Variants in IHO1 observed in about 807,000 individuals in gnomAD.
IHO1 encodes interactor of HORMAD1 protein 1.
Under a neutral mutation model 31.0 loss-of-function variants are expected in IHO1, and 13 were observed. The observed-to-expected ratio is 0.42, with a 90% CI of 0.27 to 0.67. The LOEUF (loss-of-function observed/expected upper bound fraction) is 0.67. Among genes scored for constraint, IHO1 ranks in the 30% least tolerant of loss-of-function variants. The pLI is 0.24. For synonymous variants in IHO1, 221 were observed against 248.4 expected (o/e 0.89, Z 1.04); for missense variants, 599 against 687.5 (o/e 0.87, Z 1.44).
At chr3:49,205,557 G>A (rs1306953087) in intron 1 of IHO1, among the ~76,000 whole-genome samples, 1 of 151,348 alleles carries the variant, frequency 6.6e-6, no homozygotes, top group Non-Finnish European at 1.5e-5. Flanking sequence ...CTGACCTCGA[G>A]TGCTGCGATT....
the IHO1 span, among the ~76,000 whole-genome samples, chr3:49,192,051 T>C: frequency 1.3e-5 from 2 of 152,224 alleles, no homozygotes; most frequent in South Asian, 2.1e-4. Flanking sequence ...TAGAGTCTAA[T>C]GGATTCGCAG....
chr3:49,235,130 G>A (rs1000355289), intron 2 of IHO1, among the ~76,000 whole-genome samples: 1 of 151,994 alleles, frequency 6.6e-6, no homozygotes, highest in Admixed American at 6.5e-5. Context: ...TTACAGGCGT[G>A]AGCCACCGTG....
intron 2 of IHO1, among the ~76,000 whole-genome samples, chr3:49,219,138 A>C (rs2107696383): frequency 6.6e-6 from 1 of 152,266 alleles, no homozygotes; most frequent in African/African-American, 2.4e-5. Flanking sequence ...GTGAAACCCC[A>C]TTGTTGGGAA....
At chr3:49,202,181 T>TATTAGAATGATGTAGTGTTAC (rs1183303833) in intron 1 of IHO1, among the ~76,000 whole-genome samples, 2 of 152,108 alleles carry the variant, frequency 1.3e-5, no homozygotes, top group African/African-American at 4.8e-5. Flanking sequence ...GTTAATAGTG[T>TATTAGAATGATGTAGTGTTAC]ATTAGAATGA....
intron 1 of IHO1, among the ~76,000 whole-genome samples, chr3:49,210,060 G>A (rs868079527): frequency 4.1e-5 from 6 of 147,292 alleles, no homozygotes; most frequent in African/African-American, 1.3e-4. Context: ...ACAGGGTCTT[G>A]CTTTGTTGCC....
Position 49,257,213 on chromosome 3 carries a change from A to G in IHO1, c.1716A>G (p.Leu572=). 6.2e-7 allele frequency: 1 copy of G among 1,614,186 alleles called. No homozygotes were observed. Among genetic ancestry groups the G allele is most frequent in the Middle Eastern group, 1.6e-4 (1 of 6,062 alleles). ...DLNLGCSETP[L]CKEAGKNLLY... ...ATCTCGGATGTTCAGAGACCCCTCTATGCAAGGAGGCAGGAAAGAATTTGC... is the reference window on the plus strand; with the variant it reads ...ATCTCGGATGTTCAGAGACCCCTCTGTGCAAGGAGGCAGGAAAGAATTTGC... The change falls in exon 8 of 8, where the codon CTA becomes CTG. Residue 572 remains leucine, a synonymous_variant. Coordinates refer to ENST00000452691, the MANE Select transcript of IHO1 (RefSeq NM_001135197.2).
At chr3:49,240,385 G>T (rs921604966) in intron 3 of IHO1, among the ~76,000 whole-genome samples, 1 of 152,080 alleles carries the variant, frequency 6.6e-6, no homozygotes, top group Admixed American at 6.6e-5. Flanking sequence ...CAGCATGCCC[G>T]GCTAATTTTT....
intron 1 of IHO1, among the ~76,000 whole-genome samples, chr3:49,207,460 G>A (rs368409635): frequency 6.6e-6 from 1 of 151,720 alleles, no homozygotes; most frequent in African/African-American, 2.4e-5. Flanking sequence ...TGGCCTGGAG[G>A]GTCTCAATCT....
intron 6 of IHO1, among the ~76,000 whole-genome samples, chr3:49,248,238 C>T (rs1575587086): frequency 6.6e-6 from 1 of 151,448 alleles, no homozygotes; most frequent in African/African-American, 2.4e-5. Flanking sequence ...TTGGCTAACA[C>T]GGTGAAACCC....
chr3:49,193,384 A>T, the IHO1 span, among the ~76,000 whole-genome samples: 5 of 151,650 alleles, frequency 3.3e-5, no homozygotes, highest in Admixed American at 6.6e-5. Context: ...AAAACAAAAG[A>T]AAACAAAACA....
intron 6 of IHO1, among the ~76,000 whole-genome samples, chr3:49,252,793 C>G (rs1196090805): frequency 6.6e-6 from 1 of 151,994 alleles, no homozygotes; most frequent in Non-Finnish European, 1.5e-5. Flanking sequence ...TCCTGTAATT[C>G]CAGCACTTTG....
intron 3 of IHO1, among the ~76,000 whole-genome samples, chr3:49,237,534 G>A (rs139774969): frequency 1.1e-4 from 16 of 152,004 alleles, no homozygotes; most frequent in African/African-American, 3.9e-4. Context: ...TTATATTTGC[G>A]GTTTCTTCTA....
intron 1 of IHO1, among the ~76,000 whole-genome samples, chr3:49,200,991 C>T (rs2107676472): frequency 9.0e-6 from 1 of 110,792 alleles, no homozygotes. Context: ...GGTGTACTTA[C>T]CACAGTTTTT....
At chr3:49,232,371 A>T (rs2046493663) in intron 2 of IHO1, among the ~76,000 whole-genome samples, 1 of 152,244 alleles carries the variant, frequency 6.6e-6, no homozygotes, top group Non-Finnish European at 1.5e-5. Flanking sequence ...AGATGCTATC[A>T]GCAGCTGAAC....
chr3:49,224,284 G>A (rs549731310), intron 2 of IHO1, among the ~76,000 whole-genome samples: 6 of 152,196 alleles, frequency 3.9e-5, no homozygotes, highest in Admixed American at 3.3e-4. Flanking sequence ...TTTCTAATGG[G>A]AGGTTCCACC....
At chr3:49,215,518 GT>G (rs1284485535) in intron 2 of IHO1, among the ~76,000 whole-genome samples, 24 of 152,166 alleles carry the variant, frequency 1.6e-4, no homozygotes, top group African/African-American at 5.8e-4. Flanking sequence ...CCATTACTTA[GT>G]TTATCTCAGG....
intron 6 of IHO1, among the ~76,000 whole-genome samples, chr3:49,255,062 CAA>C (rs371843773): frequency 9.4e-5 from 12 of 128,316 alleles, no homozygotes; most frequent in Non-Finnish European, 5.1e-5. Flanking sequence ...GTCTCCGTCT[CAA>C]AAAAAAAAAA....
chr3:49,212,881 T>C lies in IHO1; in HGVS notation c.56+1045T>C, dbSNP rs148409090. Among the ~76,000 whole-genome samples, 890 of 152,326 alleles carry C rather than the reference T, an allele frequency of 5.8e-3. 9 individuals carry two copies. Among genetic ancestry groups the C allele is most frequent in the African/African-American group, 0.02 (849 of 41,572 alleles). ...AGTGTGGAAGAGGATCGGAGCTGGT[T>C]GCCACTGCTGGCTCGGGCATCCTCC... On this transcript the variant is annotated intron_variant, in intron 2 of 7. Coordinates refer to ENST00000452691, the MANE Select transcript of IHO1 (RefSeq NM_001135197.2).
At chr3:49,251,866 T>C (rs1414693992) in intron 6 of IHO1, among the ~76,000 whole-genome samples, 1 of 152,108 alleles carries the variant, frequency 6.6e-6, no homozygotes, top group Non-Finnish European at 1.5e-5. Flanking sequence ...CCACCCGAAG[T>C]GCTGGGATTA....
Sources: allele counts gnomAD v4.1 joint callset (sites outside exome capture counted in the v4.1 genomes callset), GRCh38; gene constraint gnomAD v4.1.1; transcripts MANE v1.5; gene names NCBI Gene and HGNC (gene_info 2026-07-23, HGNC 2026-07-21).